Variants in DMXL1 observed in about 807,000 individuals in gnomAD.
DMXL1 encodes the protein dmX-like protein 1.
Under a neutral mutation model 319.2 loss-of-function variants are expected in DMXL1, and 99 were observed. The ratio of observed to expected loss-of-function variants is 0.31; its 90% confidence interval spans 0.26 to 0.37. The LOEUF (loss-of-function observed/expected upper bound fraction) is 0.37. Ranked by LOEUF, DMXL1 falls within the 10% of genes least tolerant of loss-of-function variation. The pLI, the probability that DMXL1 is intolerant of heterozygous loss-of-function variation, is 1.00. For synonymous variants in DMXL1, 1,385 were observed against 1,235.2 expected, an observed-to-expected ratio of 1.12 and a Z score of -2.54; for missense variants, 3,745 against 3,595.6, an observed-to-expected ratio of 1.04 and a Z score of -1.06.
intron 1 of DMXL1, among the ~76,000 whole-genome samples, chr5:119,093,875 C>A (rs1755347358): frequency 6.6e-6 from 1 of 152,190 alleles, no homozygotes; most frequent in Admixed American, 6.5e-5. Context: ...TTCCTTTAAG[C>A]CAAAGCCTAA....
intron 9 of DMXL1, among the ~76,000 whole-genome samples, chr5:119,121,983 CGGCCG>C (rs1328186509): frequency 7.6e-6 from 1 of 131,434 alleles, no homozygotes; most frequent in Admixed American, 7.4e-5. Context: ...CCAGTAGGGG[CGGCCG>C]GGCAGAGGCG....
intron 38 of DMXL1, among the ~76,000 whole-genome samples, chr5:119,229,202 T>A (rs1786191968): frequency 6.7e-6 from 1 of 149,260 alleles, no homozygotes; most frequent in Non-Finnish European, 1.5e-5. Flanking sequence ...GATTTTGTAG[T>A]CAGATTGCTT....
chr5:119,098,585 CTT>C (rs1184320436), intron 2 of DMXL1, among the ~76,000 whole-genome samples: 2 of 151,826 alleles, frequency 1.3e-5, no homozygotes, highest in East Asian at 3.9e-4. Context: ...AAGTGAAAAA[CTT>C]TATCTGGACT....
chr5:119,219,547 T>C (rs10052879), intron 35 of DMXL1, among the ~76,000 whole-genome samples: 56,157 of 151,456 alleles, frequency 0.37, 11,318 homozygotes, highest in Middle Eastern at 0.55. Context: ...GTTTCAAAGA[T>C]ACACATTTAA....
chr5:119,197,285 C>T (rs1779809891), intron 31 of DMXL1, among the ~76,000 whole-genome samples: 1 of 152,012 alleles, frequency 6.6e-6, no homozygotes, highest in Admixed American at 6.6e-5. Context: ...CCTTGGGCCA[C>T]ACATAAAATA....
chr5:119,150,522 C>A, intron 18 of DMXL1, 101 bp downstream of exon 18: 1 of 1,291,266 alleles, frequency 7.7e-7, no homozygotes, highest in Non-Finnish European at 1.0e-6. Context: ...GGCACAGGGG[C>A]TTATGCCTGT....
At chr5:119,134,535 G>T in intron 13 of DMXL1, 146 bp downstream of exon 13, 2 of 735,964 alleles carry the variant, frequency 2.7e-6, no homozygotes, top group Non-Finnish European at 4.2e-6. Flanking sequence ...TTGTACTCTT[G>T]TAATGATTTA....
At chr5:119,114,697 C>G (rs1561615751) in intron 6 of DMXL1, among the ~76,000 whole-genome samples, 156 bp downstream of exon 6, 1 of 152,086 alleles carries the variant, frequency 6.6e-6, no homozygotes, top group Admixed American at 6.6e-5. Context: ...GTGATGGAGA[C>G]TCACTCTGTC....
chr5:119,219,551 C>G (rs1784288043), intron 35 of DMXL1, among the ~76,000 whole-genome samples: 1 of 148,224 alleles, frequency 6.7e-6, no homozygotes, highest in African/African-American at 2.6e-5. Context: ...CAAAGATACA[C>G]ATTTAATTAA....
Position 119,082,020 on chromosome 5 carries a change from T to TATACACAC in DMXL1, c.87+10365_87+10366insTACACACA, listed in dbSNP as rs1200957102. ...GGTTATATATATATATATATATATA[T>TATACACAC]ACACACACACACACACACACACACA... On this transcript the variant is annotated intron_variant, in intron 1 of 43. Transcript: ENST00000539542. Among the ~76,000 whole-genome samples the TATACACAC allele has an allele frequency of 3.0e-3, 326 of 108,118 alleles. 1 individual carries two copies. Among genetic ancestry groups the TATACACAC allele is most frequent in the Non-Finnish European group, 4.5e-3 (257 of 57,456 alleles). 70.9% of individuals were successfully genotyped at this position (108,118 alleles called of 152,430 possible). A position where few individuals can be genotyped will look rare whatever the true frequency, so the allele number is the denominator to read the frequency against.
chr5:119,123,166 A>G (rs1046168252), intron 9 of DMXL1, among the ~76,000 whole-genome samples: 28 of 151,998 alleles, frequency 1.8e-4, no homozygotes, highest in Non-Finnish European at 3.5e-4. Flanking sequence ...AGTCAGGCGT[A>G]GCGGCGCGCG....
intron 42 of DMXL1, among the ~76,000 whole-genome samples, chr5:119,242,445 A>G (rs936237321): frequency 7.2e-5 from 11 of 152,246 alleles, no homozygotes; most frequent in African/African-American, 2.7e-4. Context: ...GCACAAAACT[A>G]TAAAAATGAT....
chr5:119,203,525 AT>A, intron 33 of DMXL1, 89 bp downstream of exon 33: 1 of 725,570 alleles, frequency 1.4e-6, no homozygotes, highest in Non-Finnish European at 2.1e-6. Flanking sequence ...TATTTTACAG[AT>A]TTTTTGAAAA....
At chr5:119,214,602 G>A (rs1190108931) in intron 34 of DMXL1, among the ~76,000 whole-genome samples, 1 of 151,972 alleles carries the variant, frequency 6.6e-6, no homozygotes, top group African/African-American at 2.4e-5. Flanking sequence ...AGACTTCTGA[G>A]ATACCACTAT....
Position 119,143,888 on chromosome 5 carries a change from C to G in DMXL1, c.2424C>G (p.Ala808=), listed in dbSNP as rs1360760152. The change falls in exon 14 of 44, where the codon GCC becomes GCG. Residue 808 remains alanine (A), a synonymous_variant. Coordinates refer to ENST00000539542, the MANE Select transcript of DMXL1 (RefSeq NM_001290321.3). The part of the protein sequence containing the change: ...VFNIVSQQST[A]RPGCIIALDP... ...ACATCGTCAGTCAACAATCAACAGC[C>G]AGGCCAGGATGCATTATTGCATTAG... The G allele has an allele frequency of 1.3e-6, 2 of 1,586,012 alleles. No homozygotes were observed. Among genetic ancestry groups the G allele is most frequent in the Admixed American group, 1.8e-5 (1 of 56,906 alleles).
intron 4 of DMXL1, among the ~76,000 whole-genome samples, chr5:119,109,540 A>AT (rs572359182): frequency 2.6e-5 from 4 of 152,084 alleles, no homozygotes; most frequent in Non-Finnish European, 5.9e-5. Context: ...TTCCGTAGTA[A>AT]TTTTTTTTCT....
intron 1 of DMXL1, among the ~76,000 whole-genome samples, chr5:119,092,354 A>G (rs928633053): frequency 6.6e-6 from 1 of 151,856 alleles, no homozygotes. Flanking sequence ...TCCTGGGCTC[A>G]AGCGATCTTT....
In DMXL1 at chr5:119,149,146, G is replaced by A. The variant is rs139864710; in HGVS notation, c.3319G>A (p.Asp1107Asn). 2.5e-6 allele frequency: 4 copies of A among 1,613,724 alleles called. No individual in the cohort carries two copies. The highest frequency in any genetic ancestry group is 3.4e-6 in the Non-Finnish European group (4 of 1,179,846). The change falls in exon 18 of 44, where the codon GAT becomes AAT. Residue 1107 changes from aspartate to asparagine, a missense_variant. This residue lies in a region of DMXL1 where 2,096 missense variants were observed against 1,985.4 expected (regional missense o/e 1.06). Coordinates refer to ENST00000539542, the MANE Select transcript of DMXL1 (RefSeq NM_001290321.3). ...IHLDELSTVL[D>N]SGISVDSNLV... ...TTTAGATGAGTTAAGCACAGTATTG[G>A]ATTCTGGCATTAGTGTTGATAGCAA...
intron 28 of DMXL1, among the ~76,000 whole-genome samples, chr5:119,183,819 GT>G (rs1278615882): frequency 1.3e-5 from 2 of 152,094 alleles, no homozygotes; most frequent in African/African-American, 4.8e-5. Flanking sequence ...TTAATTTAAA[GT>G]TTAAAAAGTG....
Sources: allele counts gnomAD v4.1 joint callset (sites outside exome capture counted in the v4.1 genomes callset), GRCh38; gene constraint gnomAD v4.1.1; regional missense constraint gnomAD v4.1.1; transcripts MANE v1.5; gene names NCBI Gene and HGNC (gene_info 2026-07-23, HGNC 2026-07-21).